The following MUC6 variants were observed in gnomAD, a reference collection of about 807,000 sequenced individuals.
MUC6 encodes mucin-6.
Under a neutral mutation model 201.5 loss-of-function variants are expected in MUC6, and 188 were observed. The observed-to-expected ratio is 0.93, with a 90% CI of 0.83 to 1.05. The LOEUF is 1.05. Among genes scored for constraint, MUC6 ranks in the 50% least tolerant of loss-of-function variants. The pLI is 0.00. For missense variants in MUC6, 2,706 were observed against 3,256.9 expected, an observed-to-expected ratio of 0.83 and a Z score of 4.12; for synonymous variants, 1,228 against 1,389.4, an observed-to-expected ratio of 0.88 and a Z score of 2.58.
rs754152011 is a variant in MUC6 at position 1,029,084 on chromosome 11, C to T, written c.1342G>A (p.Glu448Lys). The change falls in exon 11 of 33, where the codon GAG becomes AAG. Residue 448 changes from glutamate (E) to lysine (K), a missense_variant. This residue lies in a region of MUC6 where 1,850 missense variants were observed against 1,958.3 expected (regional missense o/e 0.94). Coordinates refer to ENST00000421673, the MANE Select transcript of MUC6 (RefSeq NM_005961.3). ...VYDKSGVSHSETSLVAVVYLS... is the reference protein window; with the variant it reads ...VYDKSGVSHSKTSLVAVVYLS... The stretch of plus-strand genomic sequence containing the variant: ...TAGACCACAGCCACCAGGGAGGTCT[C>T]GGAGTGTGAGACGCCGGACTTGTCG... 2.7e-5 allele frequency: 44 copies of T among 1,612,746 alleles called. No homozygotes were observed. Among genetic ancestry groups the T allele is most frequent in the East Asian group, 2.0e-4 (9 of 44,856 alleles).
chr11:1,029,503 G>C lies in MUC6; in HGVS notation c.1128C>G (p.Cys376Trp). Residue 376 changes from cysteine (C) to tryptophan (W), a missense_variant, in exon 9 of 33, where the codon TGC becomes TGG. Cys to Trp is a radical substitution (Grantham distance 215). Transcript: ENST00000421673. Reference sequence around the variant, plus strand: ...TCCGGCGCCTCACTCACCAGGTTTGGCAGGCAGCTATTGTGACCTCCCCGG... The same window carrying C: ...TCCGGCGCCTCACTCACCAGGTTTGCCAGGCAGCTATTGTGACCTCCCCGG... ...YAPGEVTIAA[C>W]QTCRCTLGRW... 6.2e-7 allele frequency: 1 copy of C among 1,612,206 alleles called. No individual in the cohort carries two copies. Among genetic ancestry groups the C allele is most frequent in the Non-Finnish European group, 8.5e-7 (1 of 1,179,698 alleles).
chr11:1,026,110 G>A lies in MUC6; in HGVS notation c.2578C>T (p.Gln860Ter), dbSNP rs1164979447. ...SCSRGRWACQQGTHCPSTCTL... is the reference protein window; with the variant it reads ...SCSRGRWACQ ...CAGGTGGATGGGCAGTGGGTGCCCT[G>A]CTGACAGGCCCACCTCCCCCTTGAG... Residue 860 changes from glutamine to a stop codon, truncating the protein, a stop_gained, in exon 21 of 33, where the codon CAG (glutamine) becomes TAG (stop). Coordinates refer to ENST00000421673, the MANE Select transcript of MUC6 (RefSeq NM_005961.3). LOFTEE classifies it high-confidence loss of function. 1.2e-6 allele frequency: 2 copies of A among 1,600,088 alleles called. No homozygotes were observed. Among genetic ancestry groups the A allele is most frequent in the Non-Finnish European group, 1.7e-6 (2 of 1,174,334 alleles).
At chr11:1,015,201 C>T (rs35792686) in intron 31 of MUC6, among the ~76,000 whole-genome samples, 5,487 of 119,266 alleles carry the variant, frequency 0.046, 122 homozygotes, top group Middle Eastern at 0.11. Flanking sequence ...AGTGGACTCG[C>T]TCACAGGCAT....
chr11:1,021,779 G>A (rs1261777045), intron 26 of MUC6, among the ~76,000 whole-genome samples: 1 of 151,920 alleles, frequency 6.6e-6, no homozygotes, highest in Non-Finnish European at 1.5e-5. Flanking sequence ...CCTCCCCCTG[G>A]ACCTCAGACA....
At position 1,031,697 on chromosome 11, in the gene MUC6, C is replaced by G. The variant is rs1384462759; in HGVS notation, c.393G>C (p.Gln131His). Residue 131 changes from glutamine (Q) to histidine (H), a missense_variant, in exon 4 of 33, where the codon CAG becomes CAC. Around this residue, in one of 10 missense-constraint regions of MUC6, gnomAD observed 1,850 missense variants for 1,958.3 expected, o/e 0.94. Coordinates refer to ENST00000421673, the MANE Select transcript of MUC6 (RefSeq NM_005961.3). ...GCACGCTCTGGCCGAAGGGTGTGAT[C>G]TGGAGTCCATTGCTGGTATAGGGCA... is the stretch of plus-strand genomic sequence containing the variant. The part of the protein sequence containing the change: ...ISLPYTSNGL[Q>H]ITPFGQSVRL... 10 of 1,550,852 alleles carry G rather than the reference C, an allele frequency of 6.4e-6. No individual in the cohort carries two copies. The Admixed American group carries it at 2.0e-4, about 30-fold the overall frequency.
rs1167221818 is a variant in MUC6 at position 1,013,106 on chromosome 11, T to A, written c.*350A>T. On this transcript the variant is annotated 3_prime_UTR_variant, in exon 33 of 33. Coordinates refer to ENST00000421673, the MANE Select transcript of MUC6 (RefSeq NM_005961.3). ...GTCGAGCGCCTGCTCTGTGGCTTCA[T>A]CTGCAGGGTTCTGGGCCCAGCAGGG... 3 of 315,096 alleles carry A rather than the reference T, an allele frequency of 9.5e-6. No individual in the cohort carries two copies. The highest frequency in any genetic ancestry group is 1.8e-5 in the Non-Finnish European group (3 of 170,448). 19.5% of individuals were successfully genotyped at this position (315,096 alleles called of 1,614,324 possible).
At chr11:1,035,955 T>C (rs1353779156) in intron 1 of MUC6, among the ~76,000 whole-genome samples, 1 of 152,006 alleles carries the variant, frequency 6.6e-6, no homozygotes, top group Admixed American at 6.5e-5. Context: ...GGACTGATGG[T>C]CACCTGCAGC....
At chr11:1,014,057 A>C (rs1239875844) in intron 31 of MUC6, 56 bp from the exon 32 acceptor site, 4 of 1,471,508 alleles carry the variant, frequency 2.7e-6, no homozygotes, top group Non-Finnish European at 3.7e-6. Flanking sequence ...GCGAGGAGGG[A>C]GGGAAACCCT....
rs1435492565 is a variant in MUC6, at chr11:1,020,188, C to A, written c.3710G>T (p.Gly1237Val). Reference protein sequence around the residue: ...STTIGLLSSTGPSPSSNHTPA... With the variant: ...STTIGLLSSTVPSPSSNHTPA... ...GGTGTGATTAGAGCTGGGTGAGGGT[C>A]CGGTGGAGCTGAGAAGCCCGATGGT... is the stretch of plus-strand genomic sequence containing the variant. The change falls in exon 29 of 33, where the codon GGA becomes GTA. Residue 1237 changes from glycine to valine, a missense_variant. Physicochemically the swap from Gly to Val is moderately radical, Grantham distance 109. This residue lies in a region of MUC6 where 1,850 missense variants were observed against 1,958.3 expected (regional missense o/e 0.94). Coordinates refer to ENST00000421673, the MANE Select transcript of MUC6 (RefSeq NM_005961.3). The A allele has an allele frequency of 1.2e-6, 2 of 1,612,086 alleles. No individual in the cohort carries two copies. Among genetic ancestry groups the A allele is most frequent in the African/African-American group, 2.7e-5 (2 of 74,850 alleles).
chr11:1,031,631 C>T lies in MUC6; in HGVS notation c.459G>A (p.Val153=). The T allele has an allele frequency of 1.3e-6, 2 of 1,549,680 alleles. No homozygotes were observed. Among genetic ancestry groups the T allele is most frequent in the East Asian group, 2.4e-5 (1 of 40,898 alleles). ...CCATGAGGTGGCTGTCAGGACCCCA[C>T]ACGACTTCCAGCTCCAGCTCCAGCT... ...AKQLELELEV[V]WGPDSHLMVL... Residue 153 remains valine, a synonymous_variant, in exon 4 of 33, where the codon GTG becomes GTA. Transcript: ENST00000421673.
At chr11:1,036,326 G>C (rs868152224) in intron 1 of MUC6, among the ~76,000 whole-genome samples, 1 of 152,194 alleles carries the variant, frequency 6.6e-6, no homozygotes, top group Non-Finnish European at 1.5e-5. Flanking sequence ...CTCCAGCTGA[G>C]CGTCCTCCCC....
At position 1,018,659 on chromosome 11, in the gene MUC6, G is replaced by A. The variant is rs766649007; in HGVS notation, c.4142C>T (p.Thr1381Met). ...GPTTPQPGQP[T>M]RPTATETTQT... Reference sequence around the variant, plus strand: ...AGTGGTCTCTGTGGCTGTGGGCCTCGTGGGTTGTCCTGGCTGTGGGGTGGT... The same window carrying A: ...AGTGGTCTCTGTGGCTGTGGGCCTCATGGGTTGTCCTGGCTGTGGGGTGGT... The change falls in exon 31 of 33, where the codon ACG becomes ATG. Residue 1381 changes from threonine to methionine, a missense_variant. Physicochemically the swap from Thr to Met is moderately conservative, Grantham distance 81. Transcript: ENST00000421673. 9 of 1,613,280 alleles carry A rather than the reference G, an allele frequency of 5.6e-6. No homozygotes were observed. Among genetic ancestry groups the A allele is most frequent in the South Asian group, 2.2e-5 (2 of 91,036 alleles).
chr11:1,025,411 G>A (rs765538508), intron 22 of MUC6, 44 bp from the exon 23 acceptor site: 70 of 1,582,620 alleles, frequency 4.4e-5, no homozygotes, highest in South Asian at 1.9e-4. Context: ...TGTCTCCCCC[G>A]GCCCCTGGCA....
chr11:1,022,211 C>T (rs1393236665), intron 26 of MUC6, among the ~76,000 whole-genome samples: 1 of 150,914 alleles, frequency 6.6e-6, no homozygotes. Flanking sequence ...TCCCTCTGCC[C>T]TCTGCAGCCC....
intron 25 of MUC6, 79 bp downstream of exon 25, chr11:1,023,868 C>T (rs1267823931): frequency 1.3e-6 from 2 of 1,529,038 alleles, no homozygotes; most frequent in Non-Finnish European, 1.8e-6. Flanking sequence ...GGCCTGTGGG[C>T]AAGGGCAGCC....
Position 1,018,724 on chromosome 11 carries a change from C to A in MUC6, c.4077G>T (p.Thr1359=). 6.3e-7 allele frequency: 1 copy of A among 1,586,208 alleles called. No individual in the cohort carries two copies. Among genetic ancestry groups the A allele is most frequent in the Non-Finnish European group, 8.6e-7 (1 of 1,168,326 alleles). The part of the protein sequence containing the change: ...QELPGTTATQ[T]TGPRPTPAST... Reference sequence around the variant, plus strand: ...TTGCTGGGGTTGGACGTGGGCCTGTCGTCTGGGTGGCCGTTGTTCCTGGCA... The same window carrying A: ...TTGCTGGGGTTGGACGTGGGCCTGTAGTCTGGGTGGCCGTTGTTCCTGGCA... Residue 1359 remains threonine (T), a synonymous_variant, in exon 31 of 33, where the codon ACG becomes ACT. Coordinates refer to ENST00000421673, the MANE Select transcript of MUC6 (RefSeq NM_005961.3).
At chr11:1,034,028 C>G (rs1857166366) in intron 1 of MUC6, among the ~76,000 whole-genome samples, 1 of 152,218 alleles carries the variant, frequency 6.6e-6, no homozygotes, top group African/African-American at 2.4e-5. Context: ...TGCCCACTTT[C>G]TGGGACTTAC....
In MUC6 at chr11:1,025,903, C is replaced by T. The variant is rs1856945512; in HGVS notation, c.2701G>A (p.Val901Ile). 4 of 1,611,138 alleles carry T rather than the reference C, an allele frequency of 2.5e-6. No individual in the cohort carries two copies. The highest frequency in any genetic ancestry group is 1.3e-5 in the African/African-American group (1 of 74,864). The change falls in exon 22 of 33, where the codon GTC (valine) becomes ATC (isoleucine). Residue 901 changes from valine (V) to isoleucine (I), a missense_variant. This residue lies in a region of MUC6 where 1,850 missense variants were observed against 1,958.3 expected (regional missense o/e 0.94). Transcript: ENST00000421673. Reference protein sequence around the residue: ...EYILATDVCGVNDSQPTFKIL... With the variant: ...EYILATDVCGINDSQPTFKIL... Reference sequence around the variant, plus strand: ...TTGAAGGTGGGCTGTGAGTCGTTGACACCACAGACGTCCTGCAGGGAGAGG... The same window carrying T: ...TTGAAGGTGGGCTGTGAGTCGTTGATACCACAGACGTCCTGCAGGGAGAGG...
In MUC6 at chr11:1,031,657, G is replaced by C. The variant is rs1193851013; in HGVS notation, c.433C>G (p.Gln145Glu). The C allele has an allele frequency of 6.4e-7, 1 of 1,550,566 alleles. No individual in the cohort carries two copies. Among genetic ancestry groups the C allele is most frequent in the Non-Finnish European group, 8.7e-7 (1 of 1,147,074 alleles). ...ACGACTTCCAGCTCCAGCTCCAGCTGCTTGGCCACCAGCCGCACGCTCTGG... is the reference window on the plus strand; with the variant it reads ...ACGACTTCCAGCTCCAGCTCCAGCTCCTTGGCCACCAGCCGCACGCTCTGG... ...FGQSVRLVAK[Q>E]LELELEVVWG... The change falls in exon 4 of 33, where the codon CAG (glutamine) becomes GAG (glutamate). Residue 145 changes from glutamine to glutamate, a missense_variant. Coordinates refer to ENST00000421673, the MANE Select transcript of MUC6 (RefSeq NM_005961.3).
Sources: gnomAD v4.1 joint callset for allele counts (sites outside exome capture counted in the v4.1 genomes callset) on GRCh38, gnomAD v4.1.1 for gene constraint, gnomAD v4.1.1 regional missense constraint, MANE v1.5 for transcripts, NCBI Gene and HGNC (gene_info 2026-07-23, HGNC 2026-07-21) for gene names.